Variants in HERPUD2 observed in about 807,000 individuals in gnomAD.
HERPUD2 encodes HERPUD family member 2.
In HERPUD2, 13 loss-of-function variants were observed where a neutral mutation model predicts 49.9. The ratio of observed to expected loss-of-function variants is 0.26; its 90% CI spans 0.17 to 0.41. The LOEUF is 0.41. Among genes scored for constraint, HERPUD2 ranks in the 10% least tolerant of loss-of-function variants. The pLI is 1.00. For synonymous variants in HERPUD2, 172 were observed against 171.4 expected, an observed-to-expected ratio of 1.00 and a Z score of -0.03; for missense variants, 449 against 492.2, an observed-to-expected ratio of 0.91 and a Z score of 0.83.
intron 5 of HERPUD2, among the ~76,000 whole-genome samples, 169 bp from the exon 6 acceptor site, chr7:35,638,641 A>G (rs937494467): frequency 7.9e-5 from 12 of 152,224 alleles, no homozygotes; most frequent in African/African-American, 2.4e-4. Flanking sequence ...TATGTCTTAC[A>G]TAAGTTGACC....
chr7:35,685,146 T>C (rs529965624), intron 2 of HERPUD2, among the ~76,000 whole-genome samples: 9 of 151,074 alleles, frequency 6.0e-5, no homozygotes, highest in African/African-American at 1.9e-4. Flanking sequence ...TAGGCTGGGG[T>C]AGGAGGATCA....
chr7:35,690,055 C>T (rs1309211190), intron 2 of HERPUD2, among the ~76,000 whole-genome samples: 2 of 152,194 alleles, frequency 1.3e-5, no homozygotes, highest in Non-Finnish European at 2.9e-5. Flanking sequence ...TAAGTCTAAA[C>T]TCAGATTAAA....
Position 35,646,906 on chromosome 7 carries a change from TAAC to T in HERPUD2, c.495-8437_495-8435del, listed in dbSNP as rs1194208343. ...TATACTAGTTAGCACTGTAGGATAATAACAGAAAAAAGGGAGCAAGGCAAATTC... is the reference window on the plus strand; with the variant it reads ...TATACTAGTTAGCACTGTAGGATAATAGAAAAAAGGGAGCAAGGCAAATTC... On this transcript the variant is annotated intron_variant, in intron 5 of 8. Transcript: ENST00000311350. 6.2e-4 allele frequency among the ~76,000 whole-genome samples: 93 copies of T among 150,600 alleles called. 2 individuals are homozygous for T. The highest frequency in any genetic ancestry group is 6.1e-3 in the Admixed American group (92 of 15,164).
Position 35,633,491 on chromosome 7 carries a change from T to TAA in HERPUD2, c.*197_*198dup, listed in dbSNP as rs200548311. The TAA allele has an allele frequency of 0.029, 8,141 of 280,960 alleles. 2 individuals carry two copies. Among genetic ancestry groups the TAA allele is most frequent in the South Asian group, 0.057 (873 of 15,260 alleles). The allele number at this position is 280,960 out of a possible 1,614,324, so 17.4% of individuals were successfully genotyped here. A position where few individuals can be genotyped will look rare whatever the true frequency, so the allele number is the denominator to read the frequency against. On this transcript the variant is annotated 3_prime_UTR_variant, in exon 9 of 9. Coordinates refer to ENST00000311350, the MANE Select transcript of HERPUD2 (RefSeq NM_022373.5). ...TTACGCTATGTTCTGTTAGGATCTT[T>TAA]AAAAAAAAAAAAAAAAAACTCAGAT... is the stretch of plus-strand genomic sequence containing the variant.
chr7:35,670,097 T>C (rs1183941341), intron 4 of HERPUD2, 118 bp downstream of exon 4: 2 of 505,484 alleles, frequency 4.0e-6, no homozygotes, highest in African/African-American at 2.0e-5. Flanking sequence ...CAAAACACAA[T>C]CTCAAAATTC....
chr7:35,671,220 ACAG>A (rs1785637685), intron 3 of HERPUD2, among the ~76,000 whole-genome samples: 2 of 152,246 alleles, frequency 1.3e-5, no homozygotes, highest in Admixed American at 1.3e-4. Flanking sequence ...AAAGGGTACA[ACAG>A]GCCCTTCCTT....
At chr7:35,689,373 C>A (rs1256904101) in intron 2 of HERPUD2, among the ~76,000 whole-genome samples, 1 of 152,056 alleles carries the variant, frequency 6.6e-6, no homozygotes, top group African/African-American at 2.4e-5. Context: ...TCTTATAAGA[C>A]AATAGTTTTA....
chr7:35,660,312 A>G (rs1229954968), intron 5 of HERPUD2, among the ~76,000 whole-genome samples: 1 of 152,170 alleles, frequency 6.6e-6, no homozygotes, highest in Non-Finnish European at 1.5e-5. Context: ...AGCCTTTGCT[A>G]TTGTGAACAG....
intron 3 of HERPUD2, 42 bp downstream of exon 3, chr7:35,673,159 T>C (rs199944743): frequency 6.9e-7 from 1 of 1,453,738 alleles, no homozygotes; most frequent in East Asian, 2.3e-5. Flanking sequence ...TCCTCTCACA[T>C]TCTGAATGTA....
intron 2 of HERPUD2, among the ~76,000 whole-genome samples, chr7:35,678,182 T>C (rs1785806577): frequency 6.6e-6 from 1 of 152,160 alleles, no homozygotes; most frequent in Non-Finnish European, 1.5e-5. Context: ...AGAACATGAT[T>C]TGGATGCTGC....
Position 35,670,246 on chromosome 7 carries a change from C to G in HERPUD2, c.308G>C (p.Ser103Thr), listed in dbSNP as rs1444425178. Reference protein sequence around the residue: ...SSPKSSTNRESHEALASSSNS... With the variant: ...SSPKSSTNRETHEALASSSNS... ...GCTGCTGGATGCCAATGCTTCATGA[C>G]TTTCTCTATTGGTGCTGGATTTTGG... The change falls in exon 4 of 9, where the codon AGT becomes ACT. Residue 103 changes from serine to threonine, a missense_variant. By Grantham distance (58) the Ser-to-Thr change is moderately conservative. Transcript: ENST00000311350. 1.9e-6 allele frequency: 3 copies of G among 1,583,924 alleles called. No individual in the cohort carries two copies. The African/African-American group carries it at 4.1e-5, about 22-fold the overall frequency.
intron 5 of HERPUD2, among the ~76,000 whole-genome samples, chr7:35,641,171 T>C (rs1011081796): frequency 6.6e-6 from 1 of 152,220 alleles, no homozygotes; most frequent in Non-Finnish European, 1.5e-5. Flanking sequence ...AAAGATAGCT[T>C]TTTTAAGTTT....
chr7:35,653,558 G>A (rs1405347918), intron 5 of HERPUD2, among the ~76,000 whole-genome samples: 1 of 152,022 alleles, frequency 6.6e-6, no homozygotes, highest in Non-Finnish European at 1.5e-5. Flanking sequence ...AGACCAAATG[G>A]ACATAACAGA....
At chr7:35,692,774 G>C (rs1310154831) in intron 2 of HERPUD2, among the ~76,000 whole-genome samples, 1 of 152,150 alleles carries the variant, frequency 6.6e-6, no homozygotes, top group African/African-American at 2.4e-5. Flanking sequence ...TCTTCTGCAA[G>C]TCTAAAAGCC....
intron 2 of HERPUD2, among the ~76,000 whole-genome samples, chr7:35,675,036 T>C (rs1785730504): frequency 6.6e-6 from 1 of 152,200 alleles, no homozygotes; most frequent in Non-Finnish European, 1.5e-5. Flanking sequence ...TTATAACCAG[T>C]TGGTCAAAAA....
At chr7:35,692,609 C>T (rs1786216730) in intron 2 of HERPUD2, among the ~76,000 whole-genome samples, 1 of 152,212 alleles carries the variant, frequency 6.6e-6, no homozygotes, top group Non-Finnish European at 1.5e-5. Context: ...TAAACAGGGG[C>T]TCTAACTAGT....
At chr7:35,643,192 C>T (rs774797964) in intron 5 of HERPUD2, among the ~76,000 whole-genome samples, 3 of 152,098 alleles carry the variant, frequency 2.0e-5, no homozygotes, top group Non-Finnish European at 4.4e-5. Flanking sequence ...TAGCACTTAT[C>T]GCCACGTTGA....
intron 2 of HERPUD2, among the ~76,000 whole-genome samples, chr7:35,686,132 T>A (rs922275152): frequency 6.6e-6 from 1 of 152,200 alleles, no homozygotes; most frequent in South Asian, 2.1e-4. Flanking sequence ...ATTTGACTTG[T>A]AAAAAGTAAT....
At chr7:35,666,572 C>T (rs1785540397) in intron 5 of HERPUD2, among the ~76,000 whole-genome samples, 2 of 152,206 alleles carry the variant, frequency 1.3e-5, no homozygotes, top group African/African-American at 4.8e-5. Flanking sequence ...TGATACGCAA[C>T]ACAGAAATTA....
Sources: allele counts gnomAD v4.1 joint callset (sites outside exome capture counted in the v4.1 genomes callset), GRCh38; gene constraint gnomAD v4.1.1; transcripts MANE v1.5; gene names NCBI Gene and HGNC (gene_info 2026-07-23, HGNC 2026-07-21).